Variants in MALRD1 observed in about 807,000 individuals in gnomAD.
MALRD1 encodes the protein MAM and LDL-receptor class A domain-containing protein 1.
MALRD1 carries 247 observed loss-of-function variants against 242.1 expected under a neutral mutation model. That is an observed-to-expected ratio of 1.02 (90% CI 0.92 to 1.13). The LOEUF is 1.13. Among genes scored for constraint, MALRD1 ranks in the 50% most tolerant of loss-of-function variants. MALRD1 has a pLI of 0.00. For missense variants in MALRD1, 2,989 were observed against 2,533.1 expected, an observed-to-expected ratio of 1.18 and a Z score of -3.86; for synonymous variants, 995 against 866.6, an observed-to-expected ratio of 1.15 and a Z score of -2.60.
At chr10:19,602,306 A>C (rs35749706) in intron 34 of MALRD1, among the ~76,000 whole-genome samples, 6,760 of 147,142 alleles carry the variant, frequency 0.046, 238 homozygotes, top group Middle Eastern at 0.11. Context: ...TTAACTCATC[A>C]TTTACATTAG....
At chr10:19,160,368 A>G (rs34358819) in intron 12 of MALRD1, among the ~76,000 whole-genome samples, 20,950 of 124,720 alleles carry the variant, frequency 0.17, 2,253 homozygotes, top group Admixed American at 0.25. Context: ...GTTTGCCAGT[A>G]TTTTATTGAG....
intron 18 of MALRD1, among the ~76,000 whole-genome samples, chr10:19,254,976 A>G (rs1019929506): frequency 2.6e-5 from 4 of 152,014 alleles, no homozygotes; most frequent in African/African-American, 9.7e-5. Flanking sequence ...TCAGTCATTC[A>G]GTTTCCTAAA....
intron 29 of MALRD1, among the ~76,000 whole-genome samples, chr10:19,463,102 T>C (rs1378611945): frequency 2.6e-5 from 4 of 152,194 alleles, no homozygotes; most frequent in African/African-American, 9.6e-5. Context: ...TATATTTGTA[T>C]AGAGAACCAA....
chr10:19,585,135 C>G (rs367695553), intron 33 of MALRD1, among the ~76,000 whole-genome samples: 53 of 152,210 alleles, frequency 3.5e-4, no homozygotes, highest in Admixed American at 1.9e-3. Context: ...TCGTGAGATG[C>G]GTTTCCTGAA....
At chr10:19,308,257 A>G (rs114699068) in intron 21 of MALRD1, among the ~76,000 whole-genome samples, 23 of 151,438 alleles carry the variant, frequency 1.5e-4, no homozygotes, top group African/African-American at 4.8e-4. Flanking sequence ...TTGATTTTAT[A>G]TGGTGTGTAA....
At chr10:19,114,669 T>C (rs12218913) in intron 5 of MALRD1, among the ~76,000 whole-genome samples, 74,572 of 151,950 alleles carry the variant, frequency 0.49, 20,223 homozygotes, top group African/African-American at 0.72. Flanking sequence ...TTTTCACATA[T>C]GTGGACCACT....
chr10:19,316,079 C>CTAAGGAAACTCCTTAGTAAATTTAA (rs1842693859), intron 21 of MALRD1, among the ~76,000 whole-genome samples: 1 of 149,762 alleles, frequency 6.7e-6, no homozygotes, highest in African/African-American at 2.5e-5. Flanking sequence ...AGTAAATTTA[C>CTAAGGAAACTCCTTAGTAAATTTAA]GTAATTTACT....
intron 25 of MALRD1, among the ~76,000 whole-genome samples, chr10:19,350,391 C>T (rs901569883): frequency 6.6e-6 from 1 of 151,564 alleles, no homozygotes; most frequent in Non-Finnish European, 1.5e-5. Context: ...CTGCCTCAGC[C>T]TCCTGAGTAG....
At position 19,270,826 on chromosome 10, in the gene MALRD1, ACACACACACACACACACG is replaced by A. The variant is rs1354107760; in HGVS notation, c.3080-9212_3080-9195del. On this transcript the variant is annotated intron_variant, in intron 19 of 39. Coordinates refer to ENST00000454679, the MANE Select transcript of MALRD1 (RefSeq NM_001142308.3). ...AAGGATAACACACACACACACACAC[ACACACACACACACACACG>A]CACACACAAAATAATATTATTTCAC... Among the ~76,000 whole-genome samples, 6 of 151,638 alleles carry A rather than the reference ACACACACACACACACACG, an allele frequency of 4.0e-5. No individual in the cohort carries two copies. In the East Asian group the frequency reaches 1.2e-3, roughly 29 times the overall value.
intron 21 of MALRD1, among the ~76,000 whole-genome samples, chr10:19,315,933 T>A (rs1335858571): frequency 6.7e-6 from 1 of 150,048 alleles, no homozygotes; most frequent in Admixed American, 6.7e-5. Flanking sequence ...AGTATACTGT[T>A]ATACTAAATT....
chr10:19,141,317 A>G (rs898423290), intron 10 of MALRD1, among the ~76,000 whole-genome samples: 1 of 152,188 alleles, frequency 6.6e-6, no homozygotes, highest in Non-Finnish European at 1.5e-5. Flanking sequence ...AGTTATATGA[A>G]GTACCTAAAG....
intron 28 of MALRD1, among the ~76,000 whole-genome samples, chr10:19,397,411 C>T (rs1404911519): frequency 6.6e-6 from 1 of 152,114 alleles, no homozygotes; most frequent in Non-Finnish European, 1.5e-5. Context: ...TTGCAAATAA[C>T]AGGATTTCAT....
Position 19,454,405 on chromosome 10 carries a change from G to T in MALRD1, c.5029+3915G>T, listed in dbSNP as rs1035059162. 1.4e-3 allele frequency among the ~76,000 whole-genome samples: 112 copies of T among 80,544 alleles called. 1 individual carries two copies. The highest frequency in any genetic ancestry group is 2.1e-3 in the Non-Finnish European group (87 of 41,504). The allele number at this position is 80,544 out of a possible 152,430, so 52.8% of individuals were successfully genotyped here. ...ATGAGGAAAGGTAGATTATGCATAT[G>T]ATATATATATATATATATATATATA... On this transcript the variant is annotated intron_variant, in intron 29 of 39. Coordinates refer to ENST00000454679, the MANE Select transcript of MALRD1 (RefSeq NM_001142308.3).
intron 18 of MALRD1, among the ~76,000 whole-genome samples, chr10:19,251,708 G>T (rs1194174833): frequency 6.6e-6 from 1 of 151,922 alleles, no homozygotes; most frequent in Non-Finnish European, 1.5e-5. Flanking sequence ...ACCAGACATG[G>T]GACATGAATT....
At position 19,468,057 on chromosome 10, in the gene MALRD1, G is replaced by A. The variant is rs150365208; in HGVS notation, c.5029+17567G>A. Among the ~76,000 whole-genome samples, 898 of 152,094 alleles carry A rather than the reference G, an allele frequency of 5.9e-3. 13 individuals are homozygous for A. Among genetic ancestry groups the A allele is most frequent in the Admixed American group, 0.024 (361 of 15,262 alleles). ...GATTCACCTGCCTCAGCCTCCCAAAGTGCTGGGATTACATATGTGAGCTAC... is the reference window on the plus strand; with the variant it reads ...GATTCACCTGCCTCAGCCTCCCAAAATGCTGGGATTACATATGTGAGCTAC... On this transcript the variant is annotated intron_variant, in intron 29 of 39. Coordinates refer to ENST00000454679, the MANE Select transcript of MALRD1 (RefSeq NM_001142308.3).
chr10:19,668,870 A>T (rs1161718942), intron 36 of MALRD1, among the ~76,000 whole-genome samples: 1 of 152,196 alleles, frequency 6.6e-6, no homozygotes, highest in Admixed American at 6.5e-5. Context: ...AAATTCCAGG[A>T]AGAGAGAACA....
At chr10:19,267,407 T>C (rs373459927) in intron 19 of MALRD1, among the ~76,000 whole-genome samples, 144 of 152,160 alleles carry the variant, frequency 9.5e-4, no homozygotes, top group African/African-American at 3.2e-3. Flanking sequence ...TATGATGTCC[T>C]CCCCCACCCC....
At chr10:19,304,534 G>A (rs1201437078) in intron 21 of MALRD1, among the ~76,000 whole-genome samples, 3 of 151,586 alleles carry the variant, frequency 2.0e-5, no homozygotes, top group Non-Finnish European at 4.4e-5. Flanking sequence ...ATTTCAAAGG[G>A]ATACATCATA....
chr10:19,078,992 G>A (rs1835401961), intron 2 of MALRD1, among the ~76,000 whole-genome samples: 1 of 150,900 alleles, frequency 6.6e-6, no homozygotes, highest in Non-Finnish European at 1.5e-5. Flanking sequence ...TATTGTTTTT[G>A]TATTTTCTAT....
Sources: allele counts gnomAD v4.1 joint callset (sites outside exome capture counted in the v4.1 genomes callset), GRCh38; gene constraint gnomAD v4.1.1; transcripts MANE v1.5; gene names NCBI Gene and HGNC (gene_info 2026-07-23, HGNC 2026-07-21).